The following NDOR1 variants were observed in gnomAD, a reference collection of about 807,000 sequenced individuals.
NDOR1 encodes NADPH dependent diflavin oxidoreductase 1, also known as NADPH-dependent diflavin oxidoreductase 1.
NDOR1 carries 61 observed loss-of-function variants against 67.2 expected under a neutral mutation model. The ratio of observed to expected loss-of-function variants is 0.91; its 90% CI spans 0.74 to 1.12. The LOEUF (loss-of-function observed/expected upper bound fraction) is 1.12, where lower values mean the gene tolerates loss of function less well. Among genes scored for constraint, NDOR1 ranks in the 50% most tolerant of loss-of-function variants. NDOR1 has a pLI of 0.00. For missense variants in NDOR1, 878 were observed against 802.8 expected, an observed-to-expected ratio of 1.09 and a Z score of -1.13; for synonymous variants, 378 against 343.7, an observed-to-expected ratio of 1.10 and a Z score of -1.10.
chr9:137,216,534 T>C lies in NDOR1; in HGVS notation c.*118T>C. 7.5e-7 allele frequency: 1 copy of C among 1,335,566 alleles called. No individual in the cohort carries two copies. The highest frequency in any genetic ancestry group is 1.0e-6 in the Non-Finnish European group (1 of 997,226). The allele number at this position is 1,335,566 out of a possible 1,614,324, so 82.7% of individuals were successfully genotyped here. ...CTCTCGGACCAGCCAGCTGGTCCTC[T>C]GGGAACAGCCAGCTCCCGAGCACAG... On this transcript the variant is annotated 3_prime_UTR_variant, in exon 14 of 14. Transcript: ENST00000684003.
rs961529431 is a variant in NDOR1 at position 137,217,861 on chromosome 9, C to T, written c.*1445C>T. On this transcript the variant is annotated 3_prime_UTR_variant, in exon 14 of 14. Coordinates refer to ENST00000684003, the MANE Select transcript of NDOR1 (RefSeq NM_014434.4). ...TGGCCGACTCCAGCTCTGGGCCTGT[C>T]AGTCCACCTGGGTCCTCTCTGGGCC... 1.0e-5 allele frequency: 4 copies of T among 398,402 alleles called. No individual in the cohort carries two copies. The allele number at this position is 398,402 out of a possible 1,614,324, so 24.7% of individuals were successfully genotyped here.
Position 137,212,835 on chromosome 9 carries a change from C to T in NDOR1, c.311+236C>T, listed in dbSNP as rs541032294. 1.1e-5 allele frequency: 6 copies of T among 531,068 alleles called. No homozygotes were observed. The highest frequency in any genetic ancestry group is 2.3e-5 in the South Asian group (1 of 42,754). The allele number at this position is 531,068 out of a possible 1,614,324, so 32.9% of individuals were successfully genotyped here. A position where few individuals can be genotyped will look rare whatever the true frequency, so the allele number is the denominator to read the frequency against. On this transcript the variant is annotated intron_variant, in intron 3 of 13. Transcript: ENST00000684003. This position sits in a 1 kb window ranked among gnomAD's most constrained non-coding sequence, Gnocchi z 4.3. ...AAGGGCTGGGCTCCAGCCACGCTGA[C>T]GTCACACAGGCCTACCTGGCGCCGG...
At chr9:137,211,641 A>G (rs1437774222) in intron 2 of NDOR1, among the ~76,000 whole-genome samples, 1 of 152,062 alleles carries the variant, frequency 6.6e-6, no homozygotes, top group African/African-American at 2.4e-5. Context: ...CGGGGGCAAG[A>G]GGCTGGGTAC....
Position 137,216,771 on chromosome 9 carries a change from T to G in NDOR1, c.*355T>G. 3.1e-6 allele frequency: 1 copy of G among 325,980 alleles called. No homozygotes were observed. Among genetic ancestry groups the G allele is most frequent in the Non-Finnish European group, 5.9e-6 (1 of 170,510 alleles). The allele number at this position is 325,980 out of a possible 1,614,324, so 20.2% of individuals were successfully genotyped here. A position where few individuals can be genotyped will look rare whatever the true frequency, so the allele number is the denominator to read the frequency against. On this transcript the variant is annotated 3_prime_UTR_variant, in exon 14 of 14. Coordinates refer to ENST00000684003, the MANE Select transcript of NDOR1 (RefSeq NM_014434.4). ...AGCCCAGTGAGCACCAGGGGTGGCATAGGGCACCCATGAGGCTGCGCTGCA... is the reference window on the plus strand; with the variant it reads ...AGCCCAGTGAGCACCAGGGGTGGCAGAGGGCACCCATGAGGCTGCGCTGCA...
rs1834922079 is a variant in NDOR1 at position 137,205,729 on chromosome 9, A to G, written c.-49A>G. The G allele has an allele frequency of 1.9e-6, 3 of 1,597,364 alleles. No homozygotes were observed. Among genetic ancestry groups the G allele is most frequent in the Non-Finnish European group, 1.7e-6 (2 of 1,178,762 alleles). On this transcript the variant is annotated 5_prime_UTR_variant, in exon 1 of 14. Coordinates refer to ENST00000684003, the MANE Select transcript of NDOR1 (RefSeq NM_014434.4). The stretch of plus-strand genomic sequence containing the variant: ...CGGTCCCTGCAACCCGGCCGGCGGG[A>G]ACTGCCTTCTAGTTTTTAGTCTCAG...
chr9:137,208,182 GCT>G (rs1835069402), intron 2 of NDOR1, among the ~76,000 whole-genome samples: 1 of 149,412 alleles, frequency 6.7e-6, no homozygotes, highest in South Asian at 2.1e-4. Flanking sequence ...GGGCACTGTG[GCT>G]CACACCTGTA....
In NDOR1 at chr9:137,218,766, C is replaced by G. The variant is rs1342943305; in HGVS notation, c.*2350C>G. On this transcript the variant is annotated 3_prime_UTR_variant, in exon 14 of 14. Transcript: ENST00000684003. ...GACCTCCCATTGCTGAACCCACAACCAGGGCTACCCAGAGGCCTGACCCTG... is the reference window on the plus strand; with the variant it reads ...GACCTCCCATTGCTGAACCCACAACGAGGGCTACCCAGAGGCCTGACCCTG... 5.0e-6 allele frequency: 2 copies of G among 397,040 alleles called. No individual in the cohort carries two copies. Among genetic ancestry groups the G allele is most frequent in the Non-Finnish European group, 8.9e-6 (2 of 225,600 alleles). The allele number at this position is 397,040 out of a possible 1,614,324, so 24.6% of individuals were successfully genotyped here. A position where few individuals can be genotyped will look rare whatever the true frequency, so the allele number is the denominator to read the frequency against.
In NDOR1 at chr9:137,218,808, C is replaced by T. The variant is rs1835754632; in HGVS notation, c.*2392C>T. 1.5e-5 allele frequency: 6 copies of T among 395,786 alleles called. No individual in the cohort carries two copies. The highest frequency in any genetic ancestry group is 2.7e-5 in the Non-Finnish European group (6 of 224,848). The allele number at this position is 395,786 out of a possible 1,614,324, so 24.5% of individuals were successfully genotyped here. A position where few individuals can be genotyped will look rare whatever the true frequency, so the allele number is the denominator to read the frequency against. ...CTGACCCTGCCAGAGTCCATGGCTG[C>T]ACTGCTGCCCAGACACTAGCTGAAC... is the stretch of plus-strand genomic sequence containing the variant. On this transcript the variant is annotated 3_prime_UTR_variant, in exon 14 of 14. Transcript: ENST00000684003.
intron 1 of NDOR1, 57 bp downstream of exon 1, chr9:137,205,969 C>T (rs1834942261): frequency 1.3e-6 from 2 of 1,509,098 alleles, no homozygotes; most frequent in South Asian, 2.5e-5. Flanking sequence ...GTGCCCGCCT[C>T]GCGGGGTCAT....
rs970574363 is a variant in NDOR1 at position 137,218,367 on chromosome 9, G to A, written c.*1951G>A. 1 of 398,290 alleles carries A rather than the reference G, an allele frequency of 2.5e-6. No individual in the cohort carries two copies. The highest frequency in any genetic ancestry group is 3.6e-5 in the East Asian group (1 of 28,064). The allele number at this position is 398,290 out of a possible 1,614,324, so 24.7% of individuals were successfully genotyped here. Reference sequence around the variant, plus strand: ...GGGCCCTGGGGCTCCCTGGAGCACCGCTACCAGCTGCGCTTCCTGGCAGGG... The same window carrying A: ...GGGCCCTGGGGCTCCCTGGAGCACCACTACCAGCTGCGCTTCCTGGCAGGG... On this transcript the variant is annotated 3_prime_UTR_variant, in exon 14 of 14. Coordinates refer to ENST00000684003, the MANE Select transcript of NDOR1 (RefSeq NM_014434.4).
intron 2 of NDOR1, among the ~76,000 whole-genome samples, chr9:137,211,156 A>T (rs1434479463): frequency 6.6e-6 from 1 of 152,252 alleles, no homozygotes; most frequent in Non-Finnish European, 1.5e-5. Context: ...AAGATGAGAA[A>T]TCCTTCTAGA....
intron 2 of NDOR1, among the ~76,000 whole-genome samples, chr9:137,209,174 C>G (rs1835126007): frequency 6.6e-6 from 1 of 152,230 alleles, no homozygotes; most frequent in Non-Finnish European, 1.5e-5. Context: ...AGCCACCACA[C>G]CCGGCCAAAA....
rs1390087312 is a variant in NDOR1 at position 137,214,376 on chromosome 9, C to T, written c.685C>T (p.Arg229Trp). The T allele has an allele frequency of 3.7e-6, 6 of 1,614,022 alleles. No homozygotes were observed. In the African/African-American group the frequency reaches 4.0e-5, roughly 11 times the overall value. The change falls in exon 6 of 14, where the codon CGG becomes TGG. Residue 229 changes from arginine to tryptophan, a missense_variant. Coordinates refer to ENST00000684003, the MANE Select transcript of NDOR1 (RefSeq NM_014434.4). ...VTGPSHFQDV[R>W]LIEFDILGSG... Reference sequence around the variant, plus strand: ...CGGCCCCTCCCACTTCCAGGACGTTCGGCTGATTGAGTTTGACATCTTGGG... The same window carrying T: ...CGGCCCCTCCCACTTCCAGGACGTTTGGCTGATTGAGTTTGACATCTTGGG...
chr9:137,218,589 G>A lies in NDOR1; in HGVS notation c.*2173G>A, dbSNP rs995619805. ...GGACTGCTCTTCGTGCTCCTGGACC[G>A]CTCTGGCCGCTGAGCAGAGCCCAGG... On this transcript the variant is annotated 3_prime_UTR_variant, in exon 14 of 14. Coordinates refer to ENST00000684003, the MANE Select transcript of NDOR1 (RefSeq NM_014434.4). The A allele has an allele frequency of 3.5e-5, 14 of 398,982 alleles. No individual in the cohort carries two copies. The highest frequency in any genetic ancestry group is 5.3e-5 in the Non-Finnish European group (12 of 226,352). 24.7% of individuals were successfully genotyped at this position (398,982 alleles called of 1,614,324 possible).
At position 137,205,754 on chromosome 9, in the gene NDOR1, G is replaced by C. The variant is rs1834924979; in HGVS notation, c.-24G>C. On this transcript the variant is annotated 5_prime_UTR_variant, in exon 1 of 14. Coordinates refer to ENST00000684003, the MANE Select transcript of NDOR1 (RefSeq NM_014434.4). ...AACTGCCTTCTAGTTTTTAGTCTCA[G>C]ACCAGACCACCGGGCGCACCCCGAT... 1.2e-6 allele frequency: 2 copies of C among 1,601,298 alleles called. No individual in the cohort carries two copies. Among genetic ancestry groups the C allele is most frequent in the African/African-American group, 1.3e-5 (1 of 74,890 alleles).
rs375360271 is a variant in NDOR1 at position 137,213,859 on chromosome 9, G to A, written c.391G>A (p.Asp131Asn). The A allele has an allele frequency of 6.8e-6, 11 of 1,610,584 alleles. No homozygotes were observed. Among genetic ancestry groups the A allele is most frequent in the African/African-American group, 6.7e-5 (5 of 74,762 alleles). The stretch of plus-strand genomic sequence containing the variant: ...CGCCCTCCTGCCCGTGTGCCTGGGC[G>A]ATGACCAGCATGAGCTGGGGTGAGT... ...GSALLPVCLGDDQHELGPDAA... is the reference protein window; with the variant it reads ...GSALLPVCLGNDQHELGPDAA... Residue 131 changes from aspartate (D) to asparagine (N), a missense_variant, in exon 4 of 14, where the codon GAT becomes AAT. Transcript: ENST00000684003.
intron 5 of NDOR1, 25 bp from the exon 6 acceptor site, chr9:137,214,179 G>T (rs778443732): frequency 1.3e-6 from 2 of 1,596,058 alleles, no homozygotes; most frequent in Non-Finnish European, 1.7e-6. Flanking sequence ...GTGGGTCCTG[G>T]TCTGACCAGC....
rs774438084 is a variant in NDOR1 at position 137,215,183 on chromosome 9, C to T, written c.1154C>T (p.Ser385Phe). 1 of 1,612,470 alleles carries T rather than the reference C, an allele frequency of 6.2e-7. No homozygotes were observed. The highest frequency in any genetic ancestry group is 1.7e-5 in the Admixed American group (1 of 59,970). ...LIPVIRPRAF[S>F]IASSLLTHPS... ...CCCGTTATCCGGCCGAGGGCCTTCT[C>T]CATCGCCTCCTCGCTGCTGGTGAGG... The change falls in exon 9 of 14, where the codon TCC becomes TTC. Residue 385 changes from serine (S) to phenylalanine (F), a missense_variant. Ser to Phe is a radical substitution (Grantham distance 155). Coordinates refer to ENST00000684003, the MANE Select transcript of NDOR1 (RefSeq NM_014434.4).
rs1471657178 is a variant in NDOR1 at position 137,212,610 on chromosome 9, G to T, written c.311+11G>T. ...CTCCTCATACGCCAAGTGAGTAGGGGATGGGACAGTGGGCGGACGGAACAG... is the reference window on the plus strand; with the variant it reads ...CTCCTCATACGCCAAGTGAGTAGGGTATGGGACAGTGGGCGGACGGAACAG... On this transcript the variant is annotated intron_variant, in intron 3 of 13. Transcript: ENST00000684003. The surrounding 1 kb of genome is among the most constrained non-coding windows in gnomAD (Gnocchi z 4.3). 2 of 1,608,650 alleles carry T rather than the reference G, an allele frequency of 1.2e-6. No homozygotes were observed. Among genetic ancestry groups the T allele is most frequent in the African/African-American group, 1.3e-5 (1 of 74,794 alleles).
Sources: gnomAD v4.1 joint callset for allele counts (sites outside exome capture counted in the v4.1 genomes callset) on GRCh38, gnomAD v4.1.1 for gene constraint, Gnocchi (gnomAD v3.1) non-coding constraint, MANE v1.5 for transcripts, NCBI Gene and HGNC (gene_info 2026-07-23, HGNC 2026-07-21) for gene names.